Variants in RYR3 observed in about 807,000 individuals in gnomAD.
The protein encoded by RYR3 is ryanodine receptor 3, also known as brain ryanodine receptor-calcium release channel.
In RYR3, 207 loss-of-function variants were observed where a neutral mutation model predicts 584.3. The observed-to-expected ratio is 0.35, with a 90% CI of 0.32 to 0.40. RYR3 has a LOEUF of 0.40. RYR3 is among the 10% of genes least tolerant of loss of function. The pLI is 1.00. For missense variants in RYR3, 5,616 were observed against 6,089.2 expected, an observed-to-expected ratio of 0.92 and a Z score of 2.59; for synonymous variants, 2,416 against 2,248.5, an observed-to-expected ratio of 1.07 and a Z score of -2.11.
At chr15:33,698,911 T>C (rs2066060592) in intron 40 of RYR3, among the ~76,000 whole-genome samples, 1 of 152,136 alleles carries the variant, frequency 6.6e-6, no homozygotes, top group Admixed American at 6.5e-5. Context: ...ACTGGCACCA[T>C]TTATTGAGCA....
intron 14 of RYR3, among the ~76,000 whole-genome samples, chr15:33,582,891 CA>C (rs1402905928): frequency 1.3e-5 from 2 of 152,196 alleles, no homozygotes; most frequent in Admixed American, 1.3e-4. Flanking sequence ...AATTCCAATT[CA>C]AACCTATCAT....
intron 86 of RYR3, 133 bp downstream of exon 86, chr15:33,831,224 T>A: frequency 1.2e-6 from 1 of 825,194 alleles, no homozygotes; most frequent in Non-Finnish European, 1.7e-6. Context: ...AATTTTTATT[T>A]TCTCTAAATA....
rs57118667 is a variant in RYR3 at position 33,404,589 on chromosome 15, G to GTT, written c.52-68817_52-68816dup. Among the ~76,000 whole-genome samples the GTT allele has an allele frequency of 1.8e-3, 267 of 144,452 alleles. 2 individuals are homozygous for GTT. Among genetic ancestry groups the GTT allele is most frequent in the East Asian group, 5.3e-3 (26 of 4,914 alleles). The allele number at this position is 144,452 out of a possible 152,430, so 94.8% of individuals were successfully genotyped here. A position where few individuals can be genotyped will look rare whatever the true frequency, so the allele number is the denominator to read the frequency against. On this transcript the variant is annotated intron_variant, in intron 1 of 103. Transcript: ENST00000634891. ...GAGGAATTACTATTTACTACTGTGT[G>GTT]TTTTTTTTTTTTTTACTTGTAACTG...
rs546427235 is a variant in RYR3, at chr15:33,838,473, C to G, written c.12493C>G (p.Leu4165Val). 6.2e-7 allele frequency: 1 copy of G among 1,614,032 alleles called. No individual in the cohort carries two copies. The highest frequency in any genetic ancestry group is 1.3e-5 in the African/African-American group (1 of 75,048). The change falls in exon 89 of 104, where the codon CTC becomes GTC. Residue 4165 changes from leucine (L) to valine (V), a missense_variant. Physicochemically the swap from Leu to Val is conservative, Grantham distance 32 (BLOSUM62 1). This residue lies in a region of RYR3 where 918 missense variants were observed against 887.4 expected (regional missense o/e 1.03). Transcript: ENST00000634891. ...CCTGAAGAGAGCAACCCTGAAGAAC[C>G]TCAGGAAGCAGTACAGGAACGTGAA... is the stretch of plus-strand genomic sequence containing the variant. ...DFLKRATLKN[L>V]RKQYRNVKKM...
chr15:33,654,738 C>T (rs117682569), intron 32 of RYR3, among the ~76,000 whole-genome samples: 8 of 152,192 alleles, frequency 5.3e-5, no homozygotes, highest in Non-Finnish European at 4.4e-5. Flanking sequence ...AGTGGCATGC[C>T]GTACTTAGGG....
intron 1 of RYR3, among the ~76,000 whole-genome samples, chr15:33,438,821 G>T (rs1057087836): frequency 6.6e-6 from 1 of 152,066 alleles, no homozygotes; most frequent in Non-Finnish European, 1.5e-5. Context: ...GGACTCTATT[G>T]CACATTATTA....
At chr15:33,723,092 T>C (rs2068071542) in intron 44 of RYR3, among the ~76,000 whole-genome samples, 197 bp downstream of exon 44, 1 of 152,244 alleles carries the variant, frequency 6.6e-6, no homozygotes, top group East Asian at 1.9e-4. Flanking sequence ...CTTCACCCCC[T>C]TCCATTTTCT....
chr15:33,636,398 G>A lies in RYR3; in HGVS notation c.3404G>A (p.Ser1135Asn). 6.2e-7 allele frequency: 1 copy of A among 1,613,980 alleles called. No individual in the cohort carries two copies. Among genetic ancestry groups the A allele is most frequent in the Non-Finnish European group, 8.5e-7 (1 of 1,179,864 alleles). ...TAGGGCCAGCGTTGGCATCAAGGAA[G>A]TGGGTATTTTGGGCGTACCTGGCAG... is the stretch of plus-strand genomic sequence containing the variant. ...GNRGQRWHQG[S>N]GYFGRTWQPG... The change falls in exon 27 of 104, where the codon AGT (serine) becomes AAT (asparagine). Residue 1135 changes from serine (S) to asparagine (N), a missense_variant. Ser to Asn is a conservative substitution (Grantham distance 46). Coordinates refer to ENST00000634891, the MANE Select transcript of RYR3 (RefSeq NM_001036.6).
intron 1 of RYR3, among the ~76,000 whole-genome samples, chr15:33,365,538 GA>G (rs921459788): frequency 1.3e-5 from 2 of 151,994 alleles, no homozygotes; most frequent in African/African-American, 2.4e-5. Context: ...GGGGACATTA[GA>G]AAAAACTCAA....
chr15:33,589,112 C>T (rs1243194456), intron 16 of RYR3, among the ~76,000 whole-genome samples: 1 of 152,098 alleles, frequency 6.6e-6, no homozygotes, highest in Admixed American at 6.5e-5. Flanking sequence ...GTATCCTCAC[C>T]GACATTTATT....
At chr15:33,697,776 C>T in intron 39 of RYR3, 106 bp from the exon 40 acceptor site, 1 of 688,286 alleles carries the variant, frequency 1.5e-6, no homozygotes, top group Admixed American at 2.2e-5. Flanking sequence ...CAGCCTGTTA[C>T]TTTCATATTA....
intron 67 of RYR3, among the ~76,000 whole-genome samples, 167 bp downstream of exon 67, chr15:33,788,625 T>G (rs1054934391): frequency 6.6e-6 from 1 of 152,206 alleles, no homozygotes; most frequent in African/African-American, 2.4e-5. Context: ...GTAGGAGCTC[T>G]GGGCATTGCT....
intron 19 of RYR3, among the ~76,000 whole-genome samples, chr15:33,623,261 T>C (rs900925520): frequency 2.0e-5 from 3 of 152,246 alleles, no homozygotes; most frequent in Non-Finnish European, 4.4e-5. Context: ...TGTAACATTT[T>C]TAAGTAACCT....
chr15:33,642,862 C>G (rs2061907471), intron 27 of RYR3, among the ~76,000 whole-genome samples: 1 of 152,226 alleles, frequency 6.6e-6, no homozygotes, highest in South Asian at 2.1e-4. Context: ...GCTTTTTCTA[C>G]AAACATCACT....
intron 3 of RYR3, among the ~76,000 whole-genome samples, chr15:33,512,597 G>A (rs2053129088): frequency 6.6e-6 from 1 of 152,216 alleles, no homozygotes; most frequent in Non-Finnish European, 1.5e-5. Context: ...GATCCTGGCG[G>A]TGTTTTTGCA....
intron 1 of RYR3, among the ~76,000 whole-genome samples, chr15:33,437,248 G>A (rs1451665174): frequency 6.6e-6 from 1 of 152,144 alleles, no homozygotes; most frequent in Non-Finnish European, 1.5e-5. Context: ...GTGGTCTGGA[G>A]CAAAGTCGTT....
Position 33,696,557 on chromosome 15 carries a change from G to T in RYR3, c.6134+66G>T, listed in dbSNP as rs1356909594. ...TTAAGTGGGAAAACTGACTTACCTT[G>T]ATATAGAGATATAGTGGAATCAAAT... On this transcript the variant is annotated intron_variant, in intron 39 of 103. Coordinates refer to ENST00000634891, the MANE Select transcript of RYR3 (RefSeq NM_001036.6). The T allele has an allele frequency of 2.8e-6, 4 of 1,437,022 alleles. No individual in the cohort carries two copies. The African/African-American group carries it at 4.2e-5, about 15-fold the overall frequency. The allele number at this position is 1,437,022 out of a possible 1,614,324, so 89.0% of individuals were successfully genotyped here. A position where few individuals can be genotyped will look rare whatever the true frequency, so the allele number is the denominator to read the frequency against.
chr15:33,765,174 C>T (rs925437994), intron 60 of RYR3, among the ~76,000 whole-genome samples: 2 of 151,960 alleles, frequency 1.3e-5, no homozygotes, highest in Non-Finnish European at 2.9e-5. Flanking sequence ...ACTCATTCCA[C>T]TAGGTTAACA....
At chr15:33,862,186 T>TTC (rs60669727) in intron 102 of RYR3, among the ~76,000 whole-genome samples, 1 of 152,196 alleles carries the variant, frequency 6.6e-6, no homozygotes, top group African/African-American at 2.4e-5. Context: ...CTCTTCCCCC[T>TTC]TCTCTCTCTA....
Sources: gnomAD v4.1 joint callset for allele counts (sites outside exome capture counted in the v4.1 genomes callset) on GRCh38, gnomAD v4.1.1 for gene constraint, gnomAD v4.1.1 regional missense constraint, MANE v1.5 for transcripts, NCBI Gene and HGNC (gene_info 2026-07-23, HGNC 2026-07-21) for gene names.